MGAT5: variants seen among roughly 807,000 people sequenced by gnomAD.
MGAT5 encodes the protein alpha-1,6-mannosylglycoprotein 6-beta-N-acetylglucosaminyltransferase.
In MGAT5, 30 loss-of-function variants were observed where a neutral mutation model predicts 94.3. The observed-to-expected ratio is 0.32, with a 90% CI of 0.24 to 0.43. The LOEUF (loss-of-function observed/expected upper bound fraction) is 0.43, where lower values mean the gene tolerates loss of function less well. Ranked by LOEUF, MGAT5 falls within the 20% of genes least tolerant of loss-of-function variation. The pLI is 1.00. For synonymous variants in MGAT5, 310 were observed against 322.9 expected, an observed-to-expected ratio of 0.96 and a Z score of 0.43; for missense variants, 691 against 905.5, an observed-to-expected ratio of 0.76 and a Z score of 3.04.
At chr2:134,259,050 T>C (rs1488545631) in intron 1 of MGAT5, among the ~76,000 whole-genome samples, 1 of 152,226 alleles carries the variant, frequency 6.6e-6, no homozygotes, top group Non-Finnish European at 1.5e-5. Context: ...CTTCTGAACT[T>C]CTTTGGGATT....
At chr2:134,407,362 G>GA (rs1161329151) in intron 11 of MGAT5, among the ~76,000 whole-genome samples, 2 of 152,098 alleles carry the variant, frequency 1.3e-5, no homozygotes, top group Non-Finnish European at 2.9e-5. Flanking sequence ...TCTAGATGGG[G>GA]AAAAAATTGT....
intron 1 of MGAT5, among the ~76,000 whole-genome samples, chr2:134,239,241 A>G (rs1478186437): frequency 6.6e-6 from 1 of 151,900 alleles, no homozygotes; most frequent in Non-Finnish European, 1.5e-5. Flanking sequence ...CTCATGATCC[A>G]CCCACCTCAG....
At chr2:134,336,416 C>A in intron 5 of MGAT5, 128 bp downstream of exon 5, 2 of 731,950 alleles carry the variant, frequency 2.7e-6, no homozygotes, top group Non-Finnish European at 2.3e-6. Flanking sequence ...CTTCTGTATT[C>A]GTCTCTGTGG....
At chr2:134,258,103 G>C (rs1341263931) in intron 1 of MGAT5, among the ~76,000 whole-genome samples, 1 of 152,092 alleles carries the variant, frequency 6.6e-6, no homozygotes, top group East Asian at 1.9e-4. Flanking sequence ...AGAATTTCTG[G>C]TTAGAGATTC....
At chr2:134,351,789 T>A (rs1679400880) in intron 9 of MGAT5, among the ~76,000 whole-genome samples, 1 of 151,950 alleles carries the variant, frequency 6.6e-6, no homozygotes, top group Admixed American at 6.6e-5. Context: ...CATAAGCAAA[T>A]CATGTCACAG....
intron 4 of MGAT5, among the ~76,000 whole-genome samples, chr2:134,324,905 T>C (rs540535757): frequency 6.1e-4 from 93 of 152,186 alleles, no homozygotes; most frequent in African/African-American, 2.2e-3. Flanking sequence ...TTTATGATCA[T>C]GTTCTTTTCA....
At chr2:134,232,684 TG>T (rs1272725917) in intron 1 of MGAT5, among the ~76,000 whole-genome samples, 10 of 152,204 alleles carry the variant, frequency 6.6e-5, no homozygotes, top group Non-Finnish European at 1.3e-4. Context: ...ACCTATGTAA[TG>T]TTTTTTTAAT....
chr2:134,132,160 TGTTA>T (rs965409135), intron 1 of MGAT5, among the ~76,000 whole-genome samples: 3 of 152,258 alleles, frequency 2.0e-5, no homozygotes, highest in Admixed American at 1.3e-4. Flanking sequence ...AAAATCTTTT[TGTTA>T]GTTACTTGTA....
chr2:134,147,581 C>A lies in MGAT5; in HGVS notation c.-143+27290C>A, dbSNP rs139614665. ...TACATTTTTTTGTATCTTGAAGGAG[C>A]CTTACAGAGTTAATAAAAAAAAAAA... On this transcript the variant is annotated intron_variant, in intron 1 of 16. Coordinates refer to the MGAT5 transcript ENST00000409645. 2.1e-5 allele frequency among the ~76,000 whole-genome samples: 3 copies of A among 142,894 alleles called. No homozygotes were observed. The South Asian group carries it at 6.5e-4, about 31-fold the overall frequency. The allele number at this position is 142,894 out of a possible 152,430, so 93.7% of individuals were successfully genotyped here.
intron 1 of MGAT5, among the ~76,000 whole-genome samples, chr2:134,213,920 C>T (rs187427771): frequency 3.3e-5 from 5 of 152,036 alleles, no homozygotes; most frequent in African/African-American, 4.8e-5. Flanking sequence ...TAGGGACGAT[C>T]GATTAAATCA....
intron 4 of MGAT5, among the ~76,000 whole-genome samples, chr2:134,329,644 C>T (rs918112620): frequency 1.1e-4 from 17 of 152,004 alleles, no homozygotes; most frequent in Non-Finnish European, 1.9e-4. Flanking sequence ...GTCTGTGCTT[C>T]GGCGTCTTCA....
intron 2 of MGAT5, among the ~76,000 whole-genome samples, chr2:134,295,626 G>A (rs1029308086): frequency 6.6e-6 from 1 of 152,158 alleles, no homozygotes; most frequent in African/African-American, 2.4e-5. Context: ...GCCAGTAGTG[G>A]CTGGCTTGTG....
chr2:134,376,358 G>A (rs372330651), intron 10 of MGAT5, among the ~76,000 whole-genome samples: 4 of 148,950 alleles, frequency 2.7e-5, no homozygotes, highest in African/African-American at 5.0e-5. Flanking sequence ...TTTCTTTACC[G>A]TTTTTAAAAT....
rs536743472 is a variant in MGAT5 at position 134,438,896 on chromosome 2, C to T, written c.1870-2862C>T. The stretch of plus-strand genomic sequence containing the variant: ...TTCTTTTCATCTCTGAATTATTAGA[C>T]CTTCCTGGAATTCTATTTGCAGCTG... On this transcript the variant is annotated intron_variant, in intron 14 of 15. Coordinates refer to ENST00000281923, the MANE Select transcript of MGAT5 (RefSeq NM_002410.5). 1.1e-4 allele frequency among the ~76,000 whole-genome samples: 17 copies of T among 152,288 alleles called. No individual in the cohort carries two copies. In the East Asian group the frequency reaches 2.7e-3, roughly 24 times the overall value.
chr2:134,213,706 G>T (rs1680320933), intron 1 of MGAT5, among the ~76,000 whole-genome samples: 1 of 152,156 alleles, frequency 6.6e-6, no homozygotes, highest in Non-Finnish European at 1.5e-5. Context: ...ACTTATATTT[G>T]CTGGTTTGTT....
intron 2 of MGAT5, among the ~76,000 whole-genome samples, chr2:134,307,454 T>C (rs1573756625): frequency 6.6e-6 from 1 of 152,136 alleles, no homozygotes; most frequent in African/African-American, 2.4e-5. Flanking sequence ...AAATGTTGTT[T>C]CTCCACTCAA....
intron 1 of MGAT5, among the ~76,000 whole-genome samples, chr2:134,166,586 G>A (rs1010589656): frequency 1.3e-5 from 2 of 152,154 alleles, no homozygotes; most frequent in Non-Finnish European, 2.9e-5. Flanking sequence ...CATTAAGTGC[G>A]AGATTAATCA....
At position 134,428,813 on chromosome 2, in the gene MGAT5, C is replaced by T. The variant is rs182199765; in HGVS notation, c.1869+374C>T. Among the ~76,000 whole-genome samples, 235 of 152,292 alleles carry T rather than the reference C, an allele frequency of 1.5e-3. 2 individuals are homozygous for T. The highest frequency in any genetic ancestry group is 5.2e-3 in the African/African-American group (215 of 41,570). ...AAGCATTATTTTAATAATACATGTT[C>T]AGCAATTCTAAATGTTAGGACTTTT... On this transcript the variant is annotated intron_variant, in intron 14 of 15. Coordinates refer to ENST00000281923, the MANE Select transcript of MGAT5 (RefSeq NM_002410.5).
intron 1 of MGAT5, among the ~76,000 whole-genome samples, chr2:134,120,995 A>G (rs1377964430): frequency 6.6e-6 from 1 of 151,132 alleles, no homozygotes; most frequent in Non-Finnish European, 1.5e-5. Flanking sequence ...CCGCGCACAC[A>G]CTCCCCGAGA....
Sources: allele counts gnomAD v4.1 joint callset (sites outside exome capture counted in the v4.1 genomes callset), GRCh38; gene constraint gnomAD v4.1.1; transcripts MANE v1.5; gene names NCBI Gene and HGNC (gene_info 2026-07-23, HGNC 2026-07-21).